The following ANKS1B variants were observed in gnomAD, a reference collection of about 807,000 sequenced individuals.
ANKS1B encodes ankyrin repeat and sterile alpha motif domain containing 1B, also known as ankyrin repeat and sterile alpha motif domain-containing protein 1B.
A neutral mutation model predicts 148.3 loss-of-function variants in ANKS1B; 36 were observed. The ratio of observed to expected loss-of-function variants is 0.24; its 90% confidence interval spans 0.19 to 0.32. The LOEUF (loss-of-function observed/expected upper bound fraction) is 0.32, where lower values mean the gene tolerates loss of function less well. Among genes scored for constraint, ANKS1B ranks in the 10% least tolerant of loss-of-function variants. ANKS1B has a pLI of 1.00. For missense variants in ANKS1B, 1,157 were observed against 1,542.6 expected (o/e 0.75, Z 4.19); for synonymous variants, 542 against 560.8 (o/e 0.97, Z 0.47).
chr12:99,437,522 G>C (rs1411122948), intron 11 of ANKS1B, among the ~76,000 whole-genome samples: 1 of 151,696 alleles, frequency 6.6e-6, no homozygotes, highest in African/African-American at 2.4e-5. Context: ...TCTGCCCGTG[G>C]TCACTTCTCA....
intron 8 of ANKS1B, among the ~76,000 whole-genome samples, chr12:99,741,743 C>T (rs185379237): frequency 4.0e-5 from 6 of 151,562 alleles, no homozygotes; most frequent in Admixed American, 6.6e-5. Context: ...TGGGGCCTGT[C>T]GAGGTGGGGG....
chr12:99,347,413 A>T (rs1055331287), intron 12 of ANKS1B, among the ~76,000 whole-genome samples: 1 of 151,966 alleles, frequency 6.6e-6, no homozygotes, highest in Non-Finnish European at 1.5e-5. Flanking sequence ...AGAAGATCCT[A>T]AAGTCTCACC....
At chr12:99,896,265 C>G (rs1483693991) in intron 1 of ANKS1B, among the ~76,000 whole-genome samples, 3 of 151,224 alleles carry the variant, frequency 2.0e-5, no homozygotes, top group Non-Finnish European at 4.4e-5. Context: ...TTCCTGGTAA[C>G]CACTCTTCTA....
intron 12 of ANKS1B, among the ~76,000 whole-genome samples, chr12:99,338,086 C>T (rs2089270238): frequency 6.6e-6 from 1 of 152,132 alleles, no homozygotes; most frequent in Admixed American, 6.5e-5. Flanking sequence ...GCGGTGAATC[C>T]AGACAGGCTT....
At chr12:99,172,199 A>T (rs2077845544) in intron 14 of ANKS1B, among the ~76,000 whole-genome samples, 1 of 152,188 alleles carries the variant, frequency 6.6e-6, no homozygotes, top group Non-Finnish European at 1.5e-5. Flanking sequence ...TTATATGTGC[A>T]TGTATGAGGA....
chr12:99,967,828 A>G (rs1603535840), intron 1 of ANKS1B, among the ~76,000 whole-genome samples: 1 of 149,364 alleles, frequency 6.7e-6, no homozygotes, highest in Admixed American at 6.8e-5. Context: ...AATCGCTTGA[A>G]CCCAGGAGGC....
intron 11 of ANKS1B, among the ~76,000 whole-genome samples, chr12:99,433,980 A>G (rs780847199): frequency 2.0e-4 from 31 of 152,152 alleles, no homozygotes; most frequent in Non-Finnish European, 4.1e-4. Context: ...GATGCCCAGC[A>G]TATGGTAGGC....
At chr12:98,741,560 C>T (rs2097799116), downstream of ANKS1B, among the ~76,000 whole-genome samples, 1 of 152,166 alleles carries the variant, frequency 6.6e-6, no homozygotes, top group Non-Finnish European at 1.5e-5. Flanking sequence ...AGTGGTTGCC[C>T]CTGAGATGAG....
At chr12:99,504,708 T>C in intron 9 of ANKS1B, 67 bp from the exon 10 acceptor site, 4 of 1,209,026 alleles carry the variant, frequency 3.3e-6, no homozygotes, top group Non-Finnish European at 4.5e-6. Context: ...TTATAAAAAC[T>C]AGAAAAGATA....
At chr12:99,323,809 G>A (rs1427500745) in intron 12 of ANKS1B, among the ~76,000 whole-genome samples, 2 of 152,154 alleles carry the variant, frequency 1.3e-5, no homozygotes, top group African/African-American at 2.4e-5. Flanking sequence ...GTAAGAGGTA[G>A]GAAGGAAGGC....
intron 17 of ANKS1B, among the ~76,000 whole-genome samples, chr12:99,042,057 C>G (rs1469050383): frequency 1.3e-5 from 2 of 151,964 alleles, no homozygotes; most frequent in Non-Finnish European, 2.9e-5. Flanking sequence ...CCATAAAACA[C>G]CAAAATAAAA....
At chr12:99,971,279 C>T (rs2095555099) in intron 1 of ANKS1B, among the ~76,000 whole-genome samples, 1 of 152,178 alleles carries the variant, frequency 6.6e-6, no homozygotes, top group Non-Finnish European at 1.5e-5. Context: ...TGACAGACCA[C>T]TCTGGTCAAT....
At chr12:99,609,777 C>A (rs772764296) in intron 9 of ANKS1B, among the ~76,000 whole-genome samples, 7 of 151,948 alleles carry the variant, frequency 4.6e-5, no homozygotes, top group Admixed American at 1.3e-4. Context: ...CAAATGGGTA[C>A]CCCAAGGCTA....
chr12:99,290,971 GA>G (rs2079881177), intron 12 of ANKS1B, among the ~76,000 whole-genome samples: 2 of 152,094 alleles, frequency 1.3e-5, no homozygotes, highest in Admixed American at 1.3e-4. Context: ...AATGGGAAAG[GA>G]AGAAGTCAAT....
Position 99,812,203 on chromosome 12 carries a change from C to T in ANKS1B, c.324G>A (p.Val108=). ...LAAWKGDVEI[V]KILIHHGPSH... ...ATGGTCCATGATGAATAAGAATCTT[C>T]ACAATTTCCACATCTCCTTTCCAGG... is the stretch of plus-strand genomic sequence containing the variant. The change falls in exon 3 of 27, where the codon GTG becomes GTA. Residue 108 remains valine (V), a synonymous_variant. Transcript: ENST00000683438. 1 of 1,612,028 alleles carries T rather than the reference C, an allele frequency of 6.2e-7. No individual in the cohort carries two copies. Among genetic ancestry groups the T allele is most frequent in the Non-Finnish European group, 8.5e-7 (1 of 1,178,612 alleles).
chr12:98,745,191 AAAC>A lies in ANKS1B; in HGVS notation c.*545_*547del. 2 of 985,766 alleles carry A rather than the reference AAAC, an allele frequency of 2.0e-6. No homozygotes were observed. Among genetic ancestry groups the A allele is most frequent in the Non-Finnish European group, 2.4e-6 (2 of 829,922 alleles). The allele number at this position is 985,766 out of a possible 1,614,324, so 61.1% of individuals were successfully genotyped here. On this transcript the variant is annotated 3_prime_UTR_variant, in exon 27 of 27. Transcript: ENST00000683438. Reference sequence around the variant, plus strand: ...AAAATCCACAAATATAGAAATGGGGAAACAGAATCTCCTGGCAATCATATCACG... The same window carrying A: ...AAAATCCACAAATATAGAAATGGGGAAGAATCTCCTGGCAATCATATCACG...
intron 25 of ANKS1B, among the ~76,000 whole-genome samples, chr12:98,760,875 T>A (rs1006256941): frequency 6.6e-5 from 10 of 152,218 alleles, no homozygotes; most frequent in Admixed American, 5.2e-4. Flanking sequence ...CAAAGTTTGA[T>A]CTCTGCACGA....
intron 12 of ANKS1B, among the ~76,000 whole-genome samples, chr12:99,385,604 C>T (rs2093828206): frequency 6.6e-6 from 1 of 152,116 alleles, no homozygotes; most frequent in African/African-American, 2.4e-5. Flanking sequence ...ATAAGGCAAC[C>T]TCAGGGAACA....
chr12:99,493,686 T>C (rs2096575869), intron 10 of ANKS1B, among the ~76,000 whole-genome samples: 1 of 152,134 alleles, frequency 6.6e-6, no homozygotes, highest in African/African-American at 2.4e-5. Context: ...ATTAAATCAT[T>C]TACTGAGATG....
Sources: gnomAD v4.1 joint callset for allele counts (sites outside exome capture counted in the v4.1 genomes callset) on GRCh38, gnomAD v4.1.1 for gene constraint, MANE v1.5 for transcripts, NCBI Gene and HGNC (gene_info 2026-07-23, HGNC 2026-07-21) for gene names.